Variants in OXR1 observed in about 807,000 individuals in gnomAD.
OXR1 encodes oxidation resistance protein 1.
OXR1 carries 41 observed loss-of-function variants against 104.6 expected under a neutral mutation model. That is an observed-to-expected ratio of 0.39 (90% CI 0.31 to 0.51). The LOEUF (loss-of-function observed/expected upper bound fraction) is 0.51, where lower values mean the gene tolerates loss of function less well. Among genes scored for constraint, OXR1 ranks in the 20% least tolerant of loss-of-function variants. The probability of loss-of-function intolerance (pLI) is 0.77; values close to 1 mark genes in which losing one functional copy is unlikely to be tolerated. For missense variants in OXR1, 955 were observed against 1,031.9 expected, an observed-to-expected ratio of 0.93 and a Z score of 1.02; for synonymous variants, 348 against 348.4, an observed-to-expected ratio of 1.00 and a Z score of 0.01.
rs770560006 is a variant in OXR1 at position 106,713,927 on chromosome 8, T to G, written c.1898T>G (p.Ile633Ser). ...REPGFIVVKKIEESETIEDSS... is the reference protein window; with the variant it reads ...REPGFIVVKKSEESETIEDSS... Reference sequence around the variant, plus strand: ...CCTGGATTTATAGTAGTAAAAAAGATTGAGGAGTCTGAAACAATTGAGGAT... The same window carrying G: ...CCTGGATTTATAGTAGTAAAAAAGAGTGAGGAGTCTGAAACAATTGAGGAT... The change falls in exon 11 of 17, where the codon ATT (isoleucine) becomes AGT (serine). Residue 633 changes from isoleucine (I) to serine (S), a missense_variant. This residue lies in a region of OXR1 where 849 missense variants were observed against 852.9 expected (regional missense o/e 1.00). Coordinates refer to ENST00000517566, the MANE Select transcript of OXR1 (RefSeq NM_001198533.2). 2 of 1,596,906 alleles carry G rather than the reference T, an allele frequency of 1.3e-6. No homozygotes were observed. The highest frequency in any genetic ancestry group is 2.7e-5 in the African/African-American group (2 of 73,600).
At chr8:106,358,030 A>C (rs139184662) in intron 1 of OXR1, among the ~76,000 whole-genome samples, 1 of 152,256 alleles carries the variant, frequency 6.6e-6, no homozygotes, top group Non-Finnish European at 1.5e-5. Flanking sequence ...AAGAGTGGCC[A>C]AGTATCTAAA....
At chr8:106,413,953 C>T (rs976135408) in intron 2 of OXR1, among the ~76,000 whole-genome samples, 20 of 152,026 alleles carry the variant, frequency 1.3e-4, no homozygotes, top group African/African-American at 4.8e-4. Context: ...GTCTTGAGCT[C>T]CAGAACTCAA....
chr8:106,601,905 G>A (rs1819999088), intron 3 of OXR1, among the ~76,000 whole-genome samples: 1 of 152,204 alleles, frequency 6.6e-6, no homozygotes, highest in South Asian at 2.1e-4. Context: ...GGCTCTAGAG[G>A]TCAGAGACAG....
chr8:106,734,478 C>T (rs1020461033), intron 11 of OXR1, among the ~76,000 whole-genome samples: 2 of 152,032 alleles, frequency 1.3e-5, no homozygotes, highest in African/African-American at 4.8e-5. Flanking sequence ...GTAAAAATGG[C>T]ACATTGACAT....
intron 2 of OXR1, among the ~76,000 whole-genome samples, chr8:106,443,137 T>C: frequency 6.6e-6 from 1 of 152,194 alleles, no homozygotes; most frequent in Non-Finnish European, 1.5e-5. Flanking sequence ...AAGAACTTCA[T>C]TTCTGCCTTA....
intron 3 of OXR1, among the ~76,000 whole-genome samples, chr8:106,566,523 G>C (rs1025775468): frequency 6.6e-6 from 1 of 152,188 alleles, no homozygotes; most frequent in African/African-American, 2.4e-5. Flanking sequence ...CTGCTCGTGG[G>C]AGTGTAAATT....
chr8:106,657,915 G>A, intron 3 of OXR1: 1 of 1,246,826 alleles, frequency 8.0e-7, no homozygotes, highest in Non-Finnish European at 1.0e-6. Flanking sequence ...CGGTGGGCGC[G>A]CTAGTGGTGG....
chr8:106,683,493 C>T (rs1828383436), intron 5 of OXR1, among the ~76,000 whole-genome samples, 187 bp downstream of exon 5: 1 of 152,000 alleles, frequency 6.6e-6, no homozygotes, highest in African/African-American at 2.4e-5. Context: ...TTTTTTAATA[C>T]ATATTGAAAA....
chr8:106,488,328 T>A (rs1810834791), intron 2 of OXR1, among the ~76,000 whole-genome samples: 1 of 136,544 alleles, frequency 7.3e-6, no homozygotes, highest in African/African-American at 2.8e-5. Flanking sequence ...TATTAGCCCT[T>A]TGTCAGATGA....
In OXR1 at chr8:106,605,058, A is replaced by C. The variant is rs1394419548; in HGVS notation, c.221-74152A>C. ...CTCTCTTCAACTTAGATTTCTTAAA[A>C]TCTTACAAGTTGAAGGAGGTGAGAG... On this transcript the variant is annotated intron_variant, in intron 3 of 16. Transcript: ENST00000517566. 3 of 152,212 alleles carry C rather than the reference A, an allele frequency of 2.0e-5. No individual in the cohort carries two copies. In the East Asian group the frequency reaches 5.8e-4, roughly 29 times the overall value. 9.4% of individuals were successfully genotyped at this position (152,212 alleles called of 1,614,324 possible). A position where few individuals can be genotyped will look rare whatever the true frequency, so the allele number is the denominator to read the frequency against.
intron 2 of OXR1, among the ~76,000 whole-genome samples, chr8:106,361,362 C>A (rs1362579797): frequency 6.6e-6 from 1 of 152,136 alleles, no homozygotes; most frequent in Non-Finnish European, 1.5e-5. Context: ...ATATTTTTAT[C>A]AGCACTATCC....
intron 12 of OXR1, among the ~76,000 whole-genome samples, chr8:106,738,715 A>T (rs1834625989): frequency 1.3e-5 from 2 of 151,106 alleles, no homozygotes; most frequent in African/African-American, 4.8e-5. Context: ...CTTAGTTAAC[A>T]TTCTTATCGT....
chr8:106,357,871 G>A (rs1466748410), intron 1 of OXR1, among the ~76,000 whole-genome samples: 1 of 152,148 alleles, frequency 6.6e-6, no homozygotes, highest in Non-Finnish European at 1.5e-5. Flanking sequence ...TGGGGGTCAA[G>A]GTCACCAAGT....
chr8:106,638,521 T>C lies in OXR1; in HGVS notation c.221-40689T>C, dbSNP rs143794956. Among the ~76,000 whole-genome samples the C allele has an allele frequency of 3.1e-3, 477 of 152,290 alleles. 4 individuals are homozygous for C. The highest frequency in any genetic ancestry group is 3.9e-3 in the Non-Finnish European group (265 of 68,024). On this transcript the variant is annotated intron_variant, in intron 3 of 16. Transcript: ENST00000517566. ...TGGATTTGAGGTGGGGCCTGTGAAT[T>C]TGCATTTCTTACAAGTTCTAAGATA... is the stretch of plus-strand genomic sequence containing the variant.
intron 4 of OXR1, among the ~76,000 whole-genome samples, chr8:106,681,024 T>C (rs1318695246): frequency 2.6e-5 from 4 of 152,190 alleles, no homozygotes; most frequent in African/African-American, 9.6e-5. Flanking sequence ...GTACCTTAAT[T>C]TCTTTCTTTA....
chr8:106,390,677 C>A (rs1196225077), intron 2 of OXR1, among the ~76,000 whole-genome samples: 1 of 152,034 alleles, frequency 6.6e-6, no homozygotes, highest in African/African-American at 2.4e-5. Context: ...ACAGTATGAG[C>A]AGAATAAACA....
At chr8:106,552,846 G>A (rs965368906) in intron 3 of OXR1, among the ~76,000 whole-genome samples, 8 of 152,102 alleles carry the variant, frequency 5.3e-5, no homozygotes, top group Admixed American at 5.2e-4. Context: ...GACATTGGTG[G>A]GTTCTCAGTT....
rs528415031 is a variant in OXR1 at position 106,661,255 on chromosome 8, G to A, written c.221-17955G>A. Among the ~76,000 whole-genome samples, 9 of 152,258 alleles carry A rather than the reference G, an allele frequency of 5.9e-5. No homozygotes were observed. In the East Asian group the frequency reaches 7.7e-4, roughly 13 times the overall value. On this transcript the variant is annotated intron_variant, in intron 3 of 16. Coordinates refer to ENST00000517566, the MANE Select transcript of OXR1 (RefSeq NM_001198533.2). The stretch of plus-strand genomic sequence containing the variant: ...CCTTTCTATAAAGAAACCACTTACT[G>A]AACTGTTAATGTCTCTCCTTCCTTT...
chr8:106,538,097 G>T (rs768873005), intron 3 of OXR1, among the ~76,000 whole-genome samples: 1 of 152,180 alleles, frequency 6.6e-6, no homozygotes, highest in Non-Finnish European at 1.5e-5. Flanking sequence ...CTAGCCAAAT[G>T]TGTGGTCCTG....
Sources: gnomAD v4.1 joint callset for allele counts (sites outside exome capture counted in the v4.1 genomes callset) on GRCh38, gnomAD v4.1.1 for gene constraint, gnomAD v4.1.1 regional missense constraint, MANE v1.5 for transcripts, NCBI Gene and HGNC (gene_info 2026-07-23, HGNC 2026-07-21) for gene names.